RIN3: variants seen among roughly 807,000 people sequenced by gnomAD.
The protein encoded by RIN3 is Ras and Rab interactor 3, also known as RAB5 interacting protein 3.
Under a neutral mutation model 76.3 loss-of-function variants are expected in RIN3, and 54 were observed. The ratio of observed to expected loss-of-function variants is 0.71; its 90% CI spans 0.57 to 0.89. RIN3 has a LOEUF of 0.89. RIN3 is among the 40% of genes least tolerant of loss of function. The probability of loss-of-function intolerance (pLI) is 0.00; values close to 1 mark genes in which losing one functional copy is unlikely to be tolerated. For missense variants in RIN3, 1,256 were observed against 1,322.1 expected (o/e 0.95, Z 0.78); for synonymous variants, 576 against 564.0 (o/e 1.02, Z -0.30).
At chr14:92,657,204 G>A (rs2402174) in intron 6 of RIN3, among the ~76,000 whole-genome samples, 86,591 of 151,786 alleles carry the variant, frequency 0.57, 25,458 homozygotes, top group Middle Eastern at 0.69. Flanking sequence ...TACAAACAAT[G>A]CAAAAATTAG....
chr14:92,612,566 C>G (rs1334676074), intron 3 of RIN3, among the ~76,000 whole-genome samples: 2 of 152,236 alleles, frequency 1.3e-5, no homozygotes, highest in African/African-American at 4.8e-5. Context: ...ATTCATCAGT[C>G]TCCCATGCAC....
intron 3 of RIN3, among the ~76,000 whole-genome samples, chr14:92,580,643 G>T (rs1176486620): frequency 6.6e-6 from 1 of 152,270 alleles, no homozygotes; most frequent in East Asian, 1.9e-4. Flanking sequence ...TTCCTGCCCA[G>T]TGGGGAAGGA....
chr14:92,547,027 ATTATT>A lies in RIN3; in HGVS notation c.45-8708_45-8704del, dbSNP rs928771312. On this transcript the variant is annotated intron_variant, in intron 1 of 9. Transcript: ENST00000216487. ...ATTTTATTTTATTATTAATATAATT[ATTATT>A]TTATTTTATTTTATTATAATAAAAT... Among the ~76,000 whole-genome samples, 39 of 141,244 alleles carry A rather than the reference ATTATT, an allele frequency of 2.8e-4. 5 individuals carry two copies. Among genetic ancestry groups the A allele is most frequent in the East Asian group, 5.9e-4 (3 of 5,052 alleles). The allele number at this position is 141,244 out of a possible 152,430, so 92.7% of individuals were successfully genotyped here. A position where few individuals can be genotyped will look rare whatever the true frequency, so the allele number is the denominator to read the frequency against.
chr14:92,683,116 T>G (rs12882344), intron 8 of RIN3, among the ~76,000 whole-genome samples: 3 of 151,742 alleles, frequency 2.0e-5, no homozygotes, highest in Non-Finnish European at 2.9e-5. Flanking sequence ...GCAATGTGCC[T>G]AGATCACGCC....
rs1490650888 is a variant in RIN3 at position 92,547,074 on chromosome 14, TA to T, written c.45-8676del. On this transcript the variant is annotated intron_variant, in intron 1 of 9. Transcript: ENST00000216487. ...TAATAAAATAAATTATATTTTATTT[TA>T]TATTATATTATATTATATTATAATT... Among the ~76,000 whole-genome samples the T allele has an allele frequency of 4.1e-5, 4 of 98,350 alleles. 1 individual carries two copies. The highest frequency in any genetic ancestry group is 1.4e-4 in the African/African-American group (4 of 28,836). The allele number at this position is 98,350 out of a possible 152,430, so 64.5% of individuals were successfully genotyped here. A position where few individuals can be genotyped will look rare whatever the true frequency, so the allele number is the denominator to read the frequency against.
At chr14:92,531,711 T>C (rs1198976591) in intron 1 of RIN3, among the ~76,000 whole-genome samples, 1 of 152,116 alleles carries the variant, frequency 6.6e-6, no homozygotes, top group Non-Finnish European at 1.5e-5. Flanking sequence ...TTTCCTGCAA[T>C]GGGCGTGTCA....
intron 1 of RIN3, among the ~76,000 whole-genome samples, chr14:92,518,015 C>G (rs758762780): frequency 7.9e-5 from 12 of 152,238 alleles, no homozygotes; most frequent in Non-Finnish European, 1.8e-4. Flanking sequence ...ATCTTCTGTC[C>G]TCTCCAACGT....
chr14:92,515,230 G>T, intron 1 of RIN3: 1 of 700,392 alleles, frequency 1.4e-6, no homozygotes, highest in South Asian at 1.5e-5. Context: ...ATACCATCCG[G>T]TGGGAAGAAC....
At chr14:92,661,723 T>TCACACACACACACACA (rs778646491) in intron 7 of RIN3, among the ~76,000 whole-genome samples, 70 of 134,958 alleles carry the variant, frequency 5.2e-4, no homozygotes, top group African/African-American at 1.7e-3. Flanking sequence ...TGAGACTCTG[T>TCACACACACACACACA]CACACACACA....
Position 92,652,026 on chromosome 14 carries a change from C to G in RIN3, c.977C>G (p.Ala326Gly). 6.3e-7 allele frequency: 1 copy of G among 1,592,504 alleles called. No individual in the cohort carries two copies. Among genetic ancestry groups the G allele is most frequent in the Non-Finnish European group, 8.5e-7 (1 of 1,171,974 alleles). The change falls in exon 6 of 10, where the codon GCC (alanine) becomes GGC (glycine). Residue 326 changes from alanine (A) to glycine (G), a missense_variant. Around this residue, in one of 3 missense-constraint regions of RIN3, gnomAD observed 610 missense variants for 626.4 expected, o/e 0.97. Transcript: ENST00000216487. This position sits in a 1 kb window ranked among gnomAD's most constrained non-coding sequence, Gnocchi z 6.4. Reference sequence around the variant, plus strand: ...CCTGCCCCCCACGTCACACCCCATGCCCCAGGTCCCCCAGACCATCCGAAC... The same window carrying G: ...CCTGCCCCCCACGTCACACCCCATGGCCCAGGTCCCCCAGACCATCCGAAC... ...PVPAPHVTPH[A>G]PGPPDHPNQP... is the part of the protein sequence containing the mutation.
chr14:92,559,078 G>A (rs1442328136), intron 2 of RIN3, among the ~76,000 whole-genome samples: 2 of 152,052 alleles, frequency 1.3e-5, no homozygotes, highest in African/African-American at 4.8e-5. Context: ...TGTTGGCCAG[G>A]CTGGTCTCAG....
intron 1 of RIN3, chr14:92,515,122 T>C (rs1172086889): frequency 3.1e-6 from 2 of 648,482 alleles, no homozygotes; most frequent in African/African-American, 3.6e-5. Flanking sequence ...CTCATCTAGA[T>C]CTGAACGTCT....
intron 7 of RIN3, among the ~76,000 whole-genome samples, chr14:92,671,326 G>C (rs117714107): frequency 2.6e-5 from 4 of 152,116 alleles, no homozygotes; most frequent in Non-Finnish European, 5.9e-5. Context: ...GTCCCAGGAG[G>C]GGGGGAACTG....
chr14:92,664,338 C>T (rs572203893), intron 7 of RIN3, among the ~76,000 whole-genome samples: 11 of 151,544 alleles, frequency 7.3e-5, no homozygotes, highest in South Asian at 6.3e-4. Context: ...CAACCCCCTC[C>T]GCTTCATCAT....
At chr14:92,564,847 A>AC (rs1246607223) in intron 2 of RIN3, among the ~76,000 whole-genome samples, 2 of 152,148 alleles carry the variant, frequency 1.3e-5, no homozygotes, top group East Asian at 3.9e-4. Flanking sequence ...GGAACAGCTG[A>AC]CTCAGCAAGG....
intron 1 of RIN3, among the ~76,000 whole-genome samples, chr14:92,528,123 G>A (rs1896792621): frequency 6.6e-6 from 1 of 152,192 alleles, no homozygotes; most frequent in Non-Finnish European, 1.5e-5. Context: ...ATCAAGGAGG[G>A]GAAAGGTGGG....
chr14:92,515,669 T>C (rs1896421637), intron 1 of RIN3, among the ~76,000 whole-genome samples: 1 of 152,230 alleles, frequency 6.6e-6, no homozygotes, highest in South Asian at 2.1e-4. Flanking sequence ...ACCCGGCCCC[T>C]GCCTCACCTG....
At chr14:92,672,305 A>G (rs189474219) in intron 7 of RIN3, among the ~76,000 whole-genome samples, 14 of 152,254 alleles carry the variant, frequency 9.2e-5, no homozygotes, top group African/African-American at 3.4e-4. Flanking sequence ...CCAGCTACTC[A>G]GGAGGCTGAG....
At chr14:92,549,322 G>A (rs1181213571) in intron 1 of RIN3, among the ~76,000 whole-genome samples, 1 of 152,146 alleles carries the variant, frequency 6.6e-6, no homozygotes, top group East Asian at 1.9e-4. Flanking sequence ...GGAAGGCCTC[G>A]GTTCCCACCG....
Sources: gnomAD v4.1 joint callset for allele counts (sites outside exome capture counted in the v4.1 genomes callset) on GRCh38, gnomAD v4.1.1 for gene constraint, gnomAD v4.1.1 regional missense constraint, Gnocchi (gnomAD v3.1) non-coding constraint, MANE v1.5 for transcripts, NCBI Gene and HGNC (gene_info 2026-07-23, HGNC 2026-07-21) for gene names.